Variants in SYNPR observed in about 807,000 individuals in gnomAD.
SYNPR encodes the protein synaptoporin.
In SYNPR, 23 loss-of-function variants were observed where a neutral mutation model predicts 32.9. That is an observed-to-expected ratio of 0.70 (90% CI 0.50 to 0.99). The LOEUF is 0.99. Among genes scored for constraint, SYNPR ranks in the 50% least tolerant of loss-of-function variants. The pLI, the probability that SYNPR is intolerant of heterozygous loss-of-function variation, is 0.00. For missense variants in SYNPR, 318 were observed against 349.3 expected (o/e 0.91, Z 0.71); for synonymous variants, 146 against 135.9 (o/e 1.07, Z -0.52).
the SYNPR span, among the ~76,000 whole-genome samples, chr3:63,209,993 G>C: frequency 1.3e-5 from 2 of 152,016 alleles, no homozygotes; most frequent in African/African-American, 4.8e-5. Flanking sequence ...ATGAGGTTTA[G>C]AAAACCTCAC....
chr3:63,602,423 A>T (rs147840542), intron 4 of SYNPR, among the ~76,000 whole-genome samples: 95 of 152,202 alleles, frequency 6.2e-4, no homozygotes, highest in African/African-American at 2.3e-3. Flanking sequence ...AATCTCTGCC[A>T]GCTCTTATGT....
chr3:63,205,998 C>T, the SYNPR span, among the ~76,000 whole-genome samples: 1 of 152,162 alleles, frequency 6.6e-6, no homozygotes. Flanking sequence ...GAAAGGATTC[C>T]TCAGAAACGA....
At chr3:63,464,322 A>T (rs1700639833) in intron 2 of SYNPR, among the ~76,000 whole-genome samples, 1 of 152,210 alleles carries the variant, frequency 6.6e-6, no homozygotes, top group Non-Finnish European at 1.5e-5. Flanking sequence ...TGGGGGTTGC[A>T]GAGATGAACA....
At chr3:63,450,654 G>A (rs766753413) in intron 2 of SYNPR, among the ~76,000 whole-genome samples, 6 of 152,178 alleles carry the variant, frequency 3.9e-5, no homozygotes, top group Non-Finnish European at 8.8e-5. Context: ...GCCAGTTTCA[G>A]CCTCACTAAA....
intron 1 of SYNPR, among the ~76,000 whole-genome samples, chr3:63,237,552 G>T (rs537791032): frequency 6.6e-6 from 1 of 150,936 alleles, no homozygotes; most frequent in African/African-American, 2.4e-5. Flanking sequence ...CGTTGGCATC[G>T]GCTGGTTGTC....
At chr3:63,314,757 T>C (rs1022604841) in intron 2 of SYNPR, among the ~76,000 whole-genome samples, 2 of 152,080 alleles carry the variant, frequency 1.3e-5, no homozygotes, top group Admixed American at 1.3e-4. Flanking sequence ...TCTTTGTTTT[T>C]ATTGCATTTG....
chr3:63,222,921 A>AC, the SYNPR span, among the ~76,000 whole-genome samples: 9 of 151,854 alleles, frequency 5.9e-5, no homozygotes, highest in Non-Finnish European at 1.0e-4. Context: ...CATTTGTAAC[A>AC]CCCCCCAAAT....
At chr3:63,326,267 G>A (rs1456211860) in intron 2 of SYNPR, among the ~76,000 whole-genome samples, 2 of 151,984 alleles carry the variant, frequency 1.3e-5, no homozygotes, top group East Asian at 1.9e-4. Context: ...TAGGAGTGTG[G>A]ACATATCTGC....
chr3:63,304,606 C>T (rs1304281844), intron 2 of SYNPR, among the ~76,000 whole-genome samples: 5 of 151,876 alleles, frequency 3.3e-5, no homozygotes. Flanking sequence ...AAAAATATCA[C>T]AAGTGAGAAT....
intron 3 of SYNPR, among the ~76,000 whole-genome samples, chr3:63,531,179 G>A (rs1294579188): frequency 6.6e-6 from 1 of 152,164 alleles, no homozygotes; most frequent in African/African-American, 2.4e-5. Context: ...GTCCAGGGTA[G>A]TTTTATGCAA....
At chr3:63,208,046 AAC>A in the SYNPR span, among the ~76,000 whole-genome samples, 1,773 of 150,028 alleles carry the variant, frequency 0.012, 25 homozygotes, top group East Asian at 0.051. Flanking sequence ...CACACACACA[AAC>A]ACACACACAC....
At chr3:63,539,546 A>G (rs1003219525) in intron 3 of SYNPR, among the ~76,000 whole-genome samples, 1 of 152,142 alleles carries the variant, frequency 6.6e-6, no homozygotes, top group Non-Finnish European at 1.5e-5. Flanking sequence ...ATACAGAGCC[A>G]CAAAAGAAGG....
At chr3:63,552,198 G>A (rs956816296) in intron 3 of SYNPR, among the ~76,000 whole-genome samples, 4 of 152,016 alleles carry the variant, frequency 2.6e-5, no homozygotes, top group Non-Finnish European at 5.9e-5. Context: ...GCACCCGGCC[G>A]CATCTGGCTA....
At chr3:63,445,354 G>A (rs1700256060) in intron 2 of SYNPR, among the ~76,000 whole-genome samples, 2 of 152,176 alleles carry the variant, frequency 1.3e-5, no homozygotes, top group South Asian at 4.1e-4. Flanking sequence ...ATCTTTAAAA[G>A]GTCGGGATCC....
chr3:63,609,316 GGTAA>G lies in SYNPR; in HGVS notation c.600+4_600+7del, dbSNP rs1559550613. The G allele has an allele frequency of 1.9e-6, 3 of 1,557,078 alleles. No individual in the cohort carries two copies. Among genetic ancestry groups the G allele is most frequent in the East Asian group, 2.3e-5 (1 of 42,832 alleles). On this transcript the variant is annotated splice_donor_variant and splice_donor_region_variant and intron_variant, in intron 5 of 5. Coordinates refer to ENST00000478300, the MANE Select transcript of SYNPR (RefSeq NM_001130003.2). LOFTEE classifies it high-confidence loss of function. The stretch of plus-strand genomic sequence containing the variant: ...TTATGTCAAGCTTAAACACTTCTGT[GGTAA>G]GTATTTTTCATCTATGCTTTACTGT...
intron 2 of SYNPR, among the ~76,000 whole-genome samples, chr3:63,453,211 G>A (rs540862437): frequency 2.0e-5 from 3 of 152,246 alleles, no homozygotes; most frequent in East Asian, 1.9e-4. Context: ...GATGCTAACT[G>A]ACCAGTTGTT....
At chr3:63,467,033 TG>T (rs536830643) in intron 2 of SYNPR, among the ~76,000 whole-genome samples, 3 of 152,152 alleles carry the variant, frequency 2.0e-5, no homozygotes, top group Non-Finnish European at 2.9e-5. Context: ...TGTTTTGAGA[TG>T]GGGACTCACT....
At chr3:63,309,335 C>T (rs1279009304) in intron 2 of SYNPR, among the ~76,000 whole-genome samples, 2 of 151,798 alleles carry the variant, frequency 1.3e-5, no homozygotes, top group East Asian at 1.9e-4. Context: ...TCAATTGATT[C>T]TTCTCCTCAT....
intron 4 of SYNPR, among the ~76,000 whole-genome samples, chr3:63,585,511 G>C (rs1163821943): frequency 6.6e-6 from 1 of 151,052 alleles, no homozygotes; most frequent in Non-Finnish European, 1.5e-5. Flanking sequence ...ACAACATTTT[G>C]GGGGGTTGCA....
Sources: allele counts gnomAD v4.1 joint callset (sites outside exome capture counted in the v4.1 genomes callset), GRCh38; gene constraint gnomAD v4.1.1; transcripts MANE v1.5; gene names NCBI Gene and HGNC (gene_info 2026-07-23, HGNC 2026-07-21).